HACE1: variants seen among roughly 807,000 people sequenced by gnomAD.
HACE1 encodes the protein HECT domain and ankyrin repeat containing E3 ubiquitin protein ligase 1.
HACE1 carries 73 observed loss-of-function variants against 118.4 expected under a neutral mutation model. That is an observed-to-expected ratio of 0.62 (90% CI 0.51 to 0.75). The LOEUF (loss-of-function observed/expected upper bound fraction) is 0.75. HACE1 is among the 30% of genes least tolerant of loss of function. HACE1 has a pLI of 0.00. For synonymous variants in HACE1, 368 were observed against 374.8 expected (o/e 0.98, Z 0.21); for missense variants, 749 against 1,102.2 (o/e 0.68, Z 4.54).
intron 19 of HACE1, among the ~76,000 whole-genome samples, chr6:104,750,904 A>AGG (rs1163124381): frequency 6.6e-6 from 1 of 152,238 alleles, no homozygotes; most frequent in Non-Finnish European, 1.5e-5. Flanking sequence ...ACACATAGAT[A>AGG]TACATGTGTG....
At chr6:104,777,424 C>T in intron 14 of HACE1, 107 bp from the exon 15 acceptor site, 1 of 749,186 alleles carries the variant, frequency 1.3e-6, no homozygotes, top group South Asian at 1.4e-5. Flanking sequence ...ATTCTTAGAT[C>T]TTTATTTACA....
At chr6:104,772,127 A>C in intron 17 of HACE1, 53 bp from the exon 18 acceptor site, 1 of 1,022,772 alleles carries the variant, frequency 9.8e-7, no homozygotes, top group Non-Finnish European at 1.5e-6. Flanking sequence ...ATGCAGAAGA[A>C]AGATTACTTC....
chr6:104,844,996 C>A (rs1422353207), intron 4 of HACE1, among the ~76,000 whole-genome samples: 1 of 152,034 alleles, frequency 6.6e-6, no homozygotes, highest in African/African-American at 2.4e-5. Context: ...GTATAGTTCA[C>A]TGGTAAATAG....
At chr6:104,735,957 T>C (rs1008315214) in intron 22 of HACE1, among the ~76,000 whole-genome samples, 7 of 151,924 alleles carry the variant, frequency 4.6e-5, no homozygotes, top group Non-Finnish European at 1.5e-5. Context: ...TATTGCTAAA[T>C]TCAAAAAGTT....
At chr6:104,843,460 T>G (rs1341625744) in intron 4 of HACE1, among the ~76,000 whole-genome samples, 162 bp from the exon 5 acceptor site, 1 of 152,174 alleles carries the variant, frequency 6.6e-6, no homozygotes, top group Admixed American at 6.5e-5. Context: ...CAAACACTAC[T>G]TGACGCAAGA....
intron 6 of HACE1, among the ~76,000 whole-genome samples, chr6:104,812,454 A>C (rs1312264609): frequency 6.6e-6 from 1 of 152,156 alleles, no homozygotes; most frequent in Non-Finnish European, 1.5e-5. Context: ...CTTAAAAAAA[A>C]ACAAAATAGT....
chr6:104,759,547 G>C (rs1401375504), intron 19 of HACE1, among the ~76,000 whole-genome samples: 2 of 152,178 alleles, frequency 1.3e-5, no homozygotes, highest in East Asian at 3.8e-4. Context: ...CACATTTAAA[G>C]CAATGTGTAG....
At chr6:104,788,810 A>G (rs1782700205) in intron 11 of HACE1, among the ~76,000 whole-genome samples, 1 of 152,158 alleles carries the variant, frequency 6.6e-6, no homozygotes, top group Non-Finnish European at 1.5e-5. Flanking sequence ...CTTAATGCTG[A>G]AAGAATGGCT....
intron 1 of HACE1, among the ~76,000 whole-genome samples, chr6:104,859,142 G>A (rs1215119730): frequency 1.3e-5 from 2 of 152,088 alleles, no homozygotes; most frequent in African/African-American, 4.8e-5. Context: ...AAAAATAAAA[G>A]CCCGCCTGGC....
intron 19 of HACE1, among the ~76,000 whole-genome samples, chr6:104,765,798 G>C (rs952622744): frequency 6.6e-6 from 1 of 152,154 alleles, no homozygotes; most frequent in African/African-American, 2.4e-5. Flanking sequence ...TTCAGTTTTA[G>C]CTTTATGCAG....
chr6:104,834,811 A>AAGT (rs1582706000), intron 5 of HACE1, among the ~76,000 whole-genome samples: 1 of 152,186 alleles, frequency 6.6e-6, no homozygotes, highest in East Asian at 1.9e-4. Context: ...AGTAAGTACC[A>AAGT]TGCACCTCTT....
At chr6:104,809,950 G>C (rs1028354107) in intron 7 of HACE1, among the ~76,000 whole-genome samples, 1 of 151,982 alleles carries the variant, frequency 6.6e-6, no homozygotes, top group Non-Finnish European at 1.5e-5. Flanking sequence ...TATTGATTAA[G>C]ATGAGGAAAA....
intron 19 of HACE1, 47 bp from the exon 20 acceptor site, chr6:104,750,519 ATACT>A (rs1418866873): frequency 1.3e-6 from 2 of 1,528,604 alleles, no homozygotes; most frequent in African/African-American, 2.7e-5. Flanking sequence ...AACCTTTTAC[ATACT>A]TAATGTTAAT....
intron 4 of HACE1, among the ~76,000 whole-genome samples, chr6:104,843,933 TACA>T (rs546201631): frequency 1.5e-3 from 225 of 152,020 alleles, no homozygotes; most frequent in African/African-American, 5.1e-3. Flanking sequence ...CTTGGTTCAC[TACA>T]ACATCTGCCT....
intron 6 of HACE1, among the ~76,000 whole-genome samples, chr6:104,817,472 C>A (rs915779233): frequency 6.6e-6 from 1 of 152,170 alleles, no homozygotes; most frequent in South Asian, 2.1e-4. Flanking sequence ...TTGTAAGTTT[C>A]CTGAGGCCTT....
intron 17 of HACE1, among the ~76,000 whole-genome samples, chr6:104,773,360 G>A (rs865859834): frequency 1.3e-5 from 2 of 151,990 alleles, no homozygotes; most frequent in African/African-American, 2.4e-5. Flanking sequence ...TTGATTTCTC[G>A]GTGCTGACAC....
At chr6:104,776,657 G>T in intron 17 of HACE1, 84 bp downstream of exon 17, 1 of 859,560 alleles carries the variant, frequency 1.2e-6, no homozygotes, top group Non-Finnish European at 2.0e-6. Context: ...CAGGTCTGCT[G>T]TGGAAATCAA....
intron 6 of HACE1, among the ~76,000 whole-genome samples, chr6:104,824,140 G>T (rs1286422876): frequency 2.0e-5 from 3 of 152,174 alleles, no homozygotes; most frequent in Non-Finnish European, 4.4e-5. Flanking sequence ...TTCGGAAGGT[G>T]AGCCCTCCCA....
At chr6:104,798,313 T>C (rs1465226322) in intron 7 of HACE1, among the ~76,000 whole-genome samples, 1 of 152,024 alleles carries the variant, frequency 6.6e-6, no homozygotes, top group Non-Finnish European at 1.5e-5. Flanking sequence ...TCTCAGAAAC[T>C]TAAAAAACAA....
Sources: gnomAD v4.1 joint callset for allele counts (sites outside exome capture counted in the v4.1 genomes callset) on GRCh38, gnomAD v4.1.1 for gene constraint, MANE v1.5 for transcripts, NCBI Gene and HGNC (gene_info 2026-07-23, HGNC 2026-07-21) for gene names.